CRYBG2: variants seen among roughly 807,000 people sequenced by gnomAD.
CRYBG2 encodes beta/gamma crystallin domain-containing protein 2.
Under a neutral mutation model 153.4 loss-of-function variants are expected in CRYBG2, and 106 were observed. The ratio of observed to expected loss-of-function variants is 0.69; its 90% CI spans 0.59 to 0.81. CRYBG2 has a LOEUF of 0.81. Among genes scored for constraint, CRYBG2 ranks in the 30% least tolerant of loss-of-function variants. CRYBG2 has a pLI of 0.00. For synonymous variants in CRYBG2, 851 were observed against 877.8 expected (o/e 0.97, Z 0.54); for missense variants, 1,996 against 2,112.0 (o/e 0.95, Z 1.08).
At chr1:26,342,996 G>A (rs2074150757) in intron 4 of CRYBG2, 51 bp downstream of exon 4, 1 of 1,535,454 alleles carries the variant, frequency 6.5e-7, no homozygotes, top group Non-Finnish European at 8.8e-7. Context: ...ACTCCCCTCT[G>A]CATCCCCCCA....
At chr1:26,324,004 C>A in intron 18 of CRYBG2, 148 bp downstream of exon 18, 1 of 764,340 alleles carries the variant, frequency 1.3e-6, no homozygotes, top group Admixed American at 2.8e-5. Context: ...ACGACTTGCC[C>A]AGGGGGAACA....
Position 26,343,216 on chromosome 1 carries a change from GC to G in CRYBG2, c.2961+29del, listed in dbSNP as rs2074155126. On this transcript the variant is annotated intron_variant, in intron 3 of 19. Coordinates refer to ENST00000308182, the MANE Select transcript of CRYBG2 (RefSeq NM_001039775.4). This position sits in a 1 kb window ranked among gnomAD's most constrained non-coding sequence, Gnocchi z 4.1. ...TGACCCCAGGCCCCTGCATCCTGCT[GC>G]CCCCACCCACTTGCCCCCACAACCC... 2 of 1,550,302 alleles carry G rather than the reference GC, an allele frequency of 1.3e-6. No individual in the cohort carries two copies. Among genetic ancestry groups the G allele is most frequent in the South Asian group, 1.2e-5 (1 of 84,042 alleles).
In CRYBG2 at chr1:26,328,746, A is replaced by G. The variant is rs752314742; in HGVS notation, c.4442T>C (p.Ile1481Thr). 5.6e-6 allele frequency: 9 copies of G among 1,613,572 alleles called. No homozygotes were observed. Among genetic ancestry groups the G allele is most frequent in the Admixed American group, 3.3e-5 (2 of 59,876 alleles). ...GFNNHVLSVR[I>T]KGGIWVLCEH... is the part of the protein sequence containing the mutation. ...CCTCAGCACTCACATGCCCCCCTTG[A>G]TCCGCACAGACAGCACATGGTTGTT... The change falls in exon 16 of 20, where the codon ATC becomes ACC. Residue 1481 changes from isoleucine (I) to threonine (T), a missense_variant. Transcript: ENST00000308182.
chr1:26,347,462 T>TTTTA (rs1430544674), intron 1 of CRYBG2, among the ~76,000 whole-genome samples: 12 of 151,034 alleles, frequency 7.9e-5, no homozygotes, highest in African/African-American at 1.9e-4. Flanking sequence ...CCCAGCTAGT[T>TTTTA]TTTATTTATT....
chr1:26,333,770 G>C (rs1368286022), intron 14 of CRYBG2, among the ~76,000 whole-genome samples: 1 of 152,096 alleles, frequency 6.6e-6, no homozygotes, highest in Admixed American at 6.6e-5. Context: ...CACAGACTAT[G>C]GTATTTTGTG....
Position 26,348,618 on chromosome 1 carries a change from C to G in CRYBG2, c.-55-1906G>C, listed in dbSNP as rs143465530. On this transcript the variant is annotated intron_variant, in intron 1 of 19. Coordinates refer to ENST00000308182, the MANE Select transcript of CRYBG2 (RefSeq NM_001039775.4). The stretch of plus-strand genomic sequence containing the variant: ...TCGCCCAGGCTGGAGTGCAGTGGCA[C>G]GATCTCAGCCTACTGCAACCTCCTC... Among the ~76,000 whole-genome samples the G allele has an allele frequency of 3.2e-3, 488 of 152,144 alleles. 3 individuals are homozygous for G. Among genetic ancestry groups the G allele is most frequent in the African/African-American group, 0.011 (464 of 41,560 alleles).
In CRYBG2 at chr1:26,343,721, T is replaced by C. The variant is rs895344527; in HGVS notation, c.2913+24A>G. On this transcript the variant is annotated intron_variant, in intron 2 of 19. Coordinates refer to ENST00000308182, the MANE Select transcript of CRYBG2 (RefSeq NM_001039775.4). The surrounding 1 kb of genome is among the most constrained non-coding windows in gnomAD (Gnocchi z 4.1). ...ACCCAGGTGAGGCCAGGCACCTCCC[T>C]TGCCCACCCGAGGCCTCACTTACCC... 1 of 1,442,680 alleles carries C rather than the reference T, an allele frequency of 6.9e-7. No homozygotes were observed. The highest frequency in any genetic ancestry group is 9.1e-7 in the Non-Finnish European group (1 of 1,095,706). The allele number at this position is 1,442,680 out of a possible 1,614,324, so 89.4% of individuals were successfully genotyped here. A position where few individuals can be genotyped will look rare whatever the true frequency, so the allele number is the denominator to read the frequency against.
intron 1 of CRYBG2, among the ~76,000 whole-genome samples, chr1:26,349,741 T>G (rs1357982408): frequency 6.6e-6 from 1 of 151,120 alleles, no homozygotes; most frequent in African/African-American, 2.4e-5. Context: ...AATGGATTAA[T>G]ATACTCATGG....
Position 26,346,260 on chromosome 1 carries a change from G to T in CRYBG2, c.398C>A (p.Pro133Gln), listed in dbSNP as rs776233787. ...GSRQAPRTEPPCVGAMARTEL... is the reference protein window; with the variant it reads ...GSRQAPRTEPQCVGAMARTEL... Reference sequence around the variant, plus strand: ...AGTCCTGGCCATAGCTCCCACACATGGGGGCTCAGTCCTGGGAGCTTGGCG... The same window carrying T: ...AGTCCTGGCCATAGCTCCCACACATTGGGGCTCAGTCCTGGGAGCTTGGCG... Residue 133 changes from proline (P) to glutamine (Q), a missense_variant, in exon 2 of 20, where the codon CCA becomes CAA. By Grantham distance (76) the Pro-to-Gln change is moderately conservative. Transcript: ENST00000308182. The surrounding 1 kb of genome is among the most constrained non-coding windows in gnomAD (Gnocchi z 4.9). 4 of 1,586,612 alleles carry T rather than the reference G, an allele frequency of 2.5e-6. No homozygotes were observed.
intron 18 of CRYBG2, 114 bp downstream of exon 18, chr1:26,324,038 G>T: frequency 8.8e-7 from 1 of 1,135,094 alleles, no homozygotes; most frequent in Non-Finnish European, 1.3e-6. Context: ...CTCTCCCCAG[G>T]GTCCTGGCTT....
chr1:26,351,231 C>T (rs2074282931), intron 1 of CRYBG2, among the ~76,000 whole-genome samples: 1 of 152,102 alleles, frequency 6.6e-6, no homozygotes, highest in Non-Finnish European at 1.5e-5. Flanking sequence ...TCCCTTTTTC[C>T]TCATGCAACC....
chr1:26,333,044 A>AAAAAAAAAAAAAAAAAAAAAC (rs1557707001), intron 14 of CRYBG2, among the ~76,000 whole-genome samples: 1 of 138,166 alleles, frequency 7.2e-6, no homozygotes, highest in Non-Finnish European at 1.5e-5. Flanking sequence ...AAAAAAAAAA[A>AAAAAAAAAAAAAAAAAAAAAC]AAGATTTCTA....
At position 26,336,080 on chromosome 1, in the gene CRYBG2, C is replaced by T. The variant is rs2074049734; in HGVS notation, c.4184+15G>A. 2 of 1,444,632 alleles carry T rather than the reference C, an allele frequency of 1.4e-6. No homozygotes were observed. Among genetic ancestry groups the T allele is most frequent in the African/African-American group, 1.4e-5 (1 of 69,612 alleles). The allele number at this position is 1,444,632 out of a possible 1,614,324, so 89.5% of individuals were successfully genotyped here. A position where few individuals can be genotyped will look rare whatever the true frequency, so the allele number is the denominator to read the frequency against. ...GCCCCAGCGCCCCCAGCCCTCCGCC[C>T]CTCCACGTTCTCACCTGCCGCCGTG... On this transcript the variant is annotated intron_variant, in intron 14 of 19. Coordinates refer to ENST00000308182, the MANE Select transcript of CRYBG2 (RefSeq NM_001039775.4). The surrounding 1 kb of genome is among the most constrained non-coding windows in gnomAD (Gnocchi z 4.9).
At position 26,346,411 on chromosome 1, in the gene CRYBG2, C is replaced by A. The variant is rs747866096; in HGVS notation, c.247G>T (p.Asp83Tyr). The A allele has an allele frequency of 6.2e-7, 1 of 1,600,328 alleles. No individual in the cohort carries two copies. Among genetic ancestry groups the A allele is most frequent in the East Asian group, 2.2e-5 (1 of 44,872 alleles). Residue 83 changes from aspartate to tyrosine, a missense_variant, in exon 2 of 20, where the codon GAT (aspartate) becomes TAT (tyrosine). Physicochemically the swap from Asp to Tyr is radical, Grantham distance 160 (BLOSUM62 -3). Coordinates refer to ENST00000308182, the MANE Select transcript of CRYBG2 (RefSeq NM_001039775.4). This position sits in a 1 kb window ranked among gnomAD's most constrained non-coding sequence, Gnocchi z 4.9. ...TGGAAGTTCTTGGAGCCAGCTGTATCCCGAGGGCCCTGGCAATTCACAGTC... is the reference window on the plus strand; with the variant it reads ...TGGAAGTTCTTGGAGCCAGCTGTATACCGAGGGCCCTGGCAATTCACAGTC... ...EETVNCQGPR[D>Y]TAGSKNFQSH...
intron 15 of CRYBG2, among the ~76,000 whole-genome samples, chr1:26,329,236 G>T (rs1015720225): frequency 2.7e-5 from 4 of 148,288 alleles, no homozygotes; most frequent in African/African-American, 5.0e-5. Flanking sequence ...CAGTACAGTG[G>T]CGCGATATTG....
chr1:26,324,340 G>C lies in CRYBG2; in HGVS notation c.4579-30C>G, dbSNP rs1300967541. 3 of 1,579,272 alleles carry C rather than the reference G, an allele frequency of 1.9e-6. No homozygotes were observed. The Admixed American group carries it at 5.2e-5, about 27-fold the overall frequency. On this transcript the variant is annotated intron_variant, in intron 17 of 19. Coordinates refer to ENST00000308182, the MANE Select transcript of CRYBG2 (RefSeq NM_001039775.4). ...TGGCAGAAAGAGGCTGAGAGTCAGG[G>C]GTGCCGGGGAGGGATGACCTGGGCC...
chr1:26,345,652 T>G lies in CRYBG2; in HGVS notation c.1006A>C (p.Ser336Arg). ...CELWQVLGAP[S>R]STELPLQTSQ... ...GTCTGGAGAGGGAGCTCAGTGGAAC[T>G]GGGGGCTCCCAGCACCTGCCAGAGC... Residue 336 changes from serine (S) to arginine (R), a missense_variant, in exon 2 of 20, where the codon AGT becomes CGT. Ser to Arg is a moderately radical substitution (Grantham distance 110). Transcript: ENST00000308182. The G allele has an allele frequency of 6.3e-7, 1 of 1,598,810 alleles. No individual in the cohort carries two copies. The highest frequency in any genetic ancestry group is 8.5e-7 in the Non-Finnish European group (1 of 1,179,762).
chr1:26,351,287 T>C (rs2074284266), intron 1 of CRYBG2, among the ~76,000 whole-genome samples: 1 of 152,174 alleles, frequency 6.6e-6, no homozygotes, highest in Non-Finnish European at 1.5e-5. Context: ...TTTGACGCCC[T>C]CGCTGAGCAC....
In CRYBG2 at chr1:26,336,091, T is replaced by C. The variant is rs2074050074; in HGVS notation, c.4184+4A>G. ...CCCAGCCCTCCGCCCCTCCACGTTC[T>C]CACCTGCCGCCGTGGACCCGGCAGG... On this transcript the variant is annotated splice_donor_region_variant and intron_variant, in intron 14 of 19. Coordinates refer to ENST00000308182, the MANE Select transcript of CRYBG2 (RefSeq NM_001039775.4). This position sits in a 1 kb window ranked among gnomAD's most constrained non-coding sequence, Gnocchi z 4.9. 9 of 1,460,046 alleles carry C rather than the reference T, an allele frequency of 6.2e-6. No homozygotes were observed. The highest frequency in any genetic ancestry group is 5.5e-6 in the Non-Finnish European group (6 of 1,098,798). 90.4% of individuals were successfully genotyped at this position (1,460,046 alleles called of 1,614,324 possible).
Sources: allele counts gnomAD v4.1 joint callset (sites outside exome capture counted in the v4.1 genomes callset), GRCh38; gene constraint gnomAD v4.1.1; non-coding constraint Gnocchi (gnomAD v3.1); transcripts MANE v1.5; gene names NCBI Gene and HGNC (gene_info 2026-07-23, HGNC 2026-07-21).